SETDB1: variants seen among roughly 807,000 people sequenced by gnomAD.
SETDB1 encodes the protein SET domain bifurcated histone lysine methyltransferase 1, also known as histone-lysine N-methyltransferase SETDB1.
SETDB1 carries 31 observed loss-of-function variants against 137.4 expected under a neutral mutation model. The ratio of observed to expected loss-of-function variants is 0.23; its 90% CI spans 0.17 to 0.30. SETDB1 has a LOEUF of 0.30. Ranked by LOEUF, SETDB1 falls within the 10% of genes least tolerant of loss-of-function variation. The pLI, the probability that SETDB1 is intolerant of heterozygous loss-of-function variation, is 1.00. For missense variants in SETDB1, 1,113 were observed against 1,631.5 expected (o/e 0.68, Z 5.47); for synonymous variants, 548 against 579.9 (o/e 0.95, Z 0.79).
rs1484647121 is a variant in SETDB1, at chr1:150,945,112, C to T, written c.1140+4C>T. 6 of 1,613,926 alleles carry T rather than the reference C, an allele frequency of 3.7e-6. No homozygotes were observed. The highest frequency in any genetic ancestry group is 3.4e-6 in the Non-Finnish European group (4 of 1,179,960). Reference sequence around the variant, plus strand: ...CCTAGTCAGGATCCTCTTCCTGGTACTGTTCTTCTCTACAATTTTGGAGGC... The same window carrying T: ...CCTAGTCAGGATCCTCTTCCTGGTATTGTTCTTCTCTACAATTTTGGAGGC... On this transcript the variant is annotated splice_donor_region_variant and intron_variant, in intron 9 of 21. Coordinates refer to ENST00000692827, the MANE Select transcript of SETDB1 (RefSeq NM_001366418.1).
At chr1:150,940,738 G>A (rs187088609) in intron 4 of SETDB1, among the ~76,000 whole-genome samples, 2 of 152,050 alleles carry the variant, frequency 1.3e-5, no homozygotes, top group Non-Finnish European at 2.9e-5. Flanking sequence ...AGTGGCTCAC[G>A]CCTGTAATCC....
chr1:150,926,455 C>A lies in SETDB1; in HGVS notation c.-74C>A. 2 of 295,276 alleles carry A rather than the reference C, an allele frequency of 6.8e-6. No homozygotes were observed. Among genetic ancestry groups the A allele is most frequent in the South Asian group, 5.7e-5 (2 of 34,872 alleles). The allele number at this position is 295,276 out of a possible 1,614,324, so 18.3% of individuals were successfully genotyped here. ...TTCGCTCTTTTCCGTCGAGGCCGAC[C>A]CCTGAGTTGTGAGTCTGGGGTCTGG... is the stretch of plus-strand genomic sequence containing the variant. On this transcript the variant is annotated 5_prime_UTR_variant, in exon 1 of 22. Transcript: ENST00000692827.
At position 150,950,651 on chromosome 1, in the gene SETDB1, G is replaced by A. The variant is rs752818395; in HGVS notation, c.1777G>A (p.Glu593Lys). 6.2e-7 allele frequency: 1 copy of A among 1,614,146 alleles called. No individual in the cohort carries two copies. Among genetic ancestry groups the A allele is most frequent in the Admixed American group, 1.7e-5 (1 of 60,024 alleles). ...CLSRVRPMRN[E>K]QYRGKNPLLV... ...GTCTCGAGTCAGACCTATGAGGAAT[G>A]AGCAGTACCGGGGCAAGAACCCTCT... The change falls in exon 13 of 22, where the codon GAG (glutamate) becomes AAG (lysine). Residue 593 changes from glutamate to lysine, a missense_variant. Transcript: ENST00000692827.
Position 150,962,167 on chromosome 1 carries a change from C to CTT in SETDB1, c.3161+12_3161+13dup, listed in dbSNP as rs1553242555. 24 of 1,613,488 alleles carry CTT rather than the reference C, an allele frequency of 1.5e-5. No homozygotes were observed. The highest frequency in any genetic ancestry group is 3.3e-4 in the Middle Eastern group (2 of 6,060). The stretch of plus-strand genomic sequence containing the variant: ...CGAAACAAGATGTCAGTGTAAGTGC[C>CTT]TTTTGTTTTGTTTTGTTTTGAGACA... On this transcript the variant is annotated intron_variant, in intron 17 of 21. Transcript: ENST00000692827.
intron 3 of SETDB1, among the ~76,000 whole-genome samples, chr1:150,934,198 C>T (rs1346117186): frequency 3.3e-5 from 5 of 152,028 alleles, no homozygotes; most frequent in African/African-American, 7.2e-5. Flanking sequence ...TTTGGCTGGG[C>T]GCGGTGGCTG....
intron 10 of SETDB1, among the ~76,000 whole-genome samples, chr1:150,948,271 T>A (rs1261233626): frequency 1.8e-5 from 1 of 56,054 alleles, no homozygotes; most frequent in Admixed American, 2.5e-4. Context: ...AGAGTAGCAA[T>A]TTTTTTTTTT....
chr1:150,949,267 A>C lies in SETDB1; in HGVS notation c.1413A>C (p.Ala471=). 6.2e-7 allele frequency: 1 copy of C among 1,613,850 alleles called. No homozygotes were observed. ...FPPAPPLSPQ[A]GDSESLESQL... ...CTGCTCCACCTCTATCCCCCCAAGC[A>C]GGTGACAGTGAGTGAGTGTTATTCT... Residue 471 remains alanine, a synonymous_variant, in exon 11 of 22, where the codon GCA becomes GCC. Transcript: ENST00000692827.
Position 150,953,251 on chromosome 1 carries a change from G to A in SETDB1, c.2333+1770G>A, listed in dbSNP as rs1324022518. On this transcript the variant is annotated intron_variant, in intron 14 of 21. Transcript: ENST00000692827. ...TAAAAAAAAATTGTTGGGGCTGGGC[G>A]TGGTGGCTCACGCCTGTAATCCCAG... is the stretch of plus-strand genomic sequence containing the variant. Among the ~76,000 whole-genome samples, 4 of 152,164 alleles carry A rather than the reference G, an allele frequency of 2.6e-5. No homozygotes were observed. In the East Asian group the frequency reaches 5.8e-4, roughly 22 times the overall value.
chr1:150,949,577 T>G, intron 12 of SETDB1, 52 bp downstream of exon 12: 2 of 1,549,006 alleles, frequency 1.3e-6, no homozygotes, highest in South Asian at 2.3e-5. Flanking sequence ...GTGGTCACTG[T>G]GTAGGGGAAG....
In SETDB1 at chr1:150,945,127, A is replaced by G. The variant is rs370400142; in HGVS notation, c.1140+19A>G. 5.9e-5 allele frequency: 95 copies of G among 1,613,866 alleles called. No individual in the cohort carries two copies. In the African/African-American group the frequency reaches 1.0e-3, roughly 17 times the overall value. ...CTTCCTGGTACTGTTCTTCTCTACA[A>G]TTTTGGAGGCAGAGGTTGGTGGGGG... On this transcript the variant is annotated intron_variant, in intron 9 of 21. Transcript: ENST00000692827.
At chr1:150,961,950 G>C (rs1670837624) in intron 16 of SETDB1, 180 bp from the exon 17 acceptor site, 3 of 719,836 alleles carry the variant, frequency 4.2e-6, no homozygotes, top group Admixed American at 2.0e-5. Context: ...AGGCTTAAAG[G>C]CTCCAGCCAG....
intron 17 of SETDB1, 83 bp from the exon 18 acceptor site, chr1:150,962,504 A>T (rs1433351339): frequency 1.9e-5 from 27 of 1,413,332 alleles, no homozygotes; most frequent in Non-Finnish European, 2.4e-5. Context: ...ACCTGTCTCC[A>T]AATCTGCCTT....
intron 14 of SETDB1, among the ~76,000 whole-genome samples, chr1:150,952,270 G>T (rs927162913): frequency 3.9e-5 from 6 of 152,148 alleles, no homozygotes; most frequent in Non-Finnish European, 8.8e-5. Context: ...ATAGGTCTTA[G>T]GATGGCAAAA....
intron 3 of SETDB1, among the ~76,000 whole-genome samples, chr1:150,933,779 C>CTTT (rs890205371): frequency 4.0e-4 from 8 of 20,100 alleles, no homozygotes; most frequent in Admixed American, 1.5e-3. Flanking sequence ...TTTTCTTTTT[C>CTTT]TTTTTTTTTT....
chr1:150,956,065 C>T (rs916417603), intron 14 of SETDB1, among the ~76,000 whole-genome samples: 3 of 135,826 alleles, frequency 2.2e-5, no homozygotes, highest in African/African-American at 8.6e-5. Flanking sequence ...GCACTCCAGC[C>T]TGGGCGACAG....
Position 150,950,449 on chromosome 1 carries a change from C to T in SETDB1, c.1584-9C>T, listed in dbSNP as rs1333571760. ...CCTTCCGATCTGATCACTTGCATCT[C>T]ATTTGCAGATCACCTTTAGGCTCCA... On this transcript the variant is annotated splice_polypyrimidine_tract_variant and intron_variant, in intron 12 of 21. Coordinates refer to ENST00000692827, the MANE Select transcript of SETDB1 (RefSeq NM_001366418.1). 2 of 1,566,322 alleles carry T rather than the reference C, an allele frequency of 1.3e-6. No individual in the cohort carries two copies. Among genetic ancestry groups the T allele is most frequent in the South Asian group, 1.2e-5 (1 of 85,074 alleles).
intron 14 of SETDB1, among the ~76,000 whole-genome samples, chr1:150,957,967 A>G (rs1272201918): frequency 6.6e-6 from 1 of 152,182 alleles, no homozygotes; most frequent in African/African-American, 2.4e-5. Flanking sequence ...CAGGCGGATC[A>G]CATGAGGTCG....
In SETDB1 at chr1:150,927,992, A is replaced by T; in HGVS notation, c.260+18A>T. The T allele has an allele frequency of 6.2e-7, 1 of 1,610,482 alleles. No homozygotes were observed. The highest frequency in any genetic ancestry group is 8.5e-7 in the Non-Finnish European group (1 of 1,177,166). ...GCATCCAGGTGAGAACTCCATGGAA[A>T]ATAGAAGGAAATCTCTCCATTGGGA... On this transcript the variant is annotated intron_variant, in intron 2 of 21. Coordinates refer to ENST00000692827, the MANE Select transcript of SETDB1 (RefSeq NM_001366418.1).
intron 5 of SETDB1, among the ~76,000 whole-genome samples, chr1:150,942,071 T>A (rs1571638276): frequency 7.0e-6 from 1 of 143,826 alleles, no homozygotes; most frequent in Non-Finnish European, 1.5e-5. Flanking sequence ...ACCCGGAAGG[T>A]GAAGGTTGCA....
Sources: allele counts gnomAD v4.1 joint callset (sites outside exome capture counted in the v4.1 genomes callset), GRCh38; gene constraint gnomAD v4.1.1; transcripts MANE v1.5; gene names NCBI Gene and HGNC (gene_info 2026-07-23, HGNC 2026-07-21).